The following PHF20L1 variants were observed in gnomAD, a reference collection of about 807,000 sequenced individuals.
The protein encoded by PHF20L1 is PHD finger protein 20 like 1.
Under a neutral mutation model 125.5 loss-of-function variants are expected in PHF20L1, and 44 were observed. The observed-to-expected ratio is 0.35, with a 90% confidence interval of 0.28 to 0.45. The LOEUF (loss-of-function observed/expected upper bound fraction) is 0.45. Ranked by LOEUF, PHF20L1 falls within the 20% of genes least tolerant of loss-of-function variation. PHF20L1 has a pLI of 1.00. For missense variants in PHF20L1, 1,012 were observed against 1,217.2 expected, an observed-to-expected ratio of 0.83 and a Z score of 2.51; for synonymous variants, 380 against 403.1, an observed-to-expected ratio of 0.94 and a Z score of 0.69.
At chr8:132,802,077 CT>C (rs1434917778) in intron 6 of PHF20L1, among the ~76,000 whole-genome samples, 3 of 151,088 alleles carry the variant, frequency 2.0e-5, no homozygotes, top group Admixed American at 6.6e-5. Flanking sequence ...TAACACTTTC[CT>C]TTTGGTTGTC....
intron 8 of PHF20L1, 105 bp downstream of exon 8, chr8:132,804,845 C>A: frequency 1.1e-6 from 1 of 915,800 alleles, no homozygotes; most frequent in Non-Finnish European, 1.7e-6. Context: ...TGTCATGGAC[C>A]TGTTAATAAC....
chr8:132,788,638 A>T (rs1289382412), intron 2 of PHF20L1, among the ~76,000 whole-genome samples: 2 of 151,988 alleles, frequency 1.3e-5, no homozygotes, highest in South Asian at 4.1e-4. Flanking sequence ...ATCTGGGTAT[A>T]TATTTTAAAT....
intron 2 of PHF20L1, among the ~76,000 whole-genome samples, chr8:132,786,858 G>A (rs746899444): frequency 6.6e-6 from 1 of 151,990 alleles, no homozygotes; most frequent in Admixed American, 6.6e-5. Context: ...ATGAACATTC[G>A]TTATTTTAAG....
intron 15 of PHF20L1, among the ~76,000 whole-genome samples, chr8:132,834,827 A>G (rs1332942333): frequency 1.3e-5 from 2 of 151,988 alleles, no homozygotes; most frequent in African/African-American, 4.8e-5. Flanking sequence ...TTGATTTACT[A>G]GCTCCATGAA....
chr8:132,794,691 T>C, intron 3 of PHF20L1, 42 bp from the exon 4 acceptor site: 1 of 1,525,136 alleles, frequency 6.6e-7, no homozygotes, highest in Non-Finnish European at 9.0e-7. Flanking sequence ...GAAATGCTTA[T>C]TTAATATACA....
rs570031202 is a variant in PHF20L1, at chr8:132,813,562, A to G, written c.931-1075A>G. Among the ~76,000 whole-genome samples the G allele has an allele frequency of 2.0e-5, 3 of 152,140 alleles. No homozygotes were observed. In the South Asian group the frequency reaches 6.2e-4, roughly 31 times the overall value. Reference sequence around the variant, plus strand: ...AGCAGACCTGATAGTTATTCTCCACAAGATATGGAAGTAAAAAGATTTCTT... The same window carrying G: ...AGCAGACCTGATAGTTATTCTCCACGAGATATGGAAGTAAAAAGATTTCTT... On this transcript the variant is annotated intron_variant, in intron 9 of 20. Transcript: ENST00000395386.
intron 2 of PHF20L1, among the ~76,000 whole-genome samples, chr8:132,793,760 A>G (rs1832055883): frequency 6.6e-6 from 1 of 152,226 alleles, no homozygotes; most frequent in South Asian, 2.1e-4. Flanking sequence ...ACTGAGCCTT[A>G]CCATCATTGT....
intron 2 of PHF20L1, among the ~76,000 whole-genome samples, chr8:132,787,507 A>G (rs1328260933): frequency 1.3e-5 from 2 of 152,150 alleles, no homozygotes; most frequent in Non-Finnish European, 1.5e-5. Flanking sequence ...CTTAAACTTC[A>G]GTGTTGGAGA....
Position 132,775,391 on chromosome 8 carries a change from GC to G in PHF20L1, c.-291del, listed in dbSNP as rs1829551533. On this transcript the variant is annotated 5_prime_UTR_variant, in exon 1 of 21. Transcript: ENST00000395386. ...CGCCGGGGCCCGGCGTCGCGTCAGG[GC>G]TGGCCGGCGGCGGAGGCGGCGGCGG... 2.6e-6 allele frequency: 1 copy of G among 378,668 alleles called. No homozygotes were observed. Among genetic ancestry groups the G allele is most frequent in the Non-Finnish European group, 4.6e-6 (1 of 215,988 alleles). 23.5% of individuals were successfully genotyped at this position (378,668 alleles called of 1,614,324 possible).
At chr8:132,838,052 A>G in intron 17 of PHF20L1, 1 of 384,108 alleles carries the variant, frequency 2.6e-6, no homozygotes, top group Non-Finnish European at 4.9e-6. Flanking sequence ...GTTTCCAAGA[A>G]CCTATTGATT....
At chr8:132,806,201 C>G (rs1833677552) in intron 8 of PHF20L1, among the ~76,000 whole-genome samples, 1 of 151,804 alleles carries the variant, frequency 6.6e-6, no homozygotes. Context: ...TAGTTTCAAT[C>G]AATATACTCT....
intron 14 of PHF20L1, among the ~76,000 whole-genome samples, chr8:132,829,307 G>A (rs1051228447): frequency 3.3e-5 from 5 of 151,978 alleles, no homozygotes; most frequent in African/African-American, 7.2e-5. Context: ...AATCCTGCCC[G>A]TAACACTTAC....
intron 14 of PHF20L1, among the ~76,000 whole-genome samples, chr8:132,829,795 G>T (rs567182865): frequency 3.3e-5 from 5 of 152,158 alleles, no homozygotes; most frequent in African/African-American, 1.2e-4. Context: ...ATATTCTTGG[G>T]CAATTTGCTT....
Position 132,814,694 on chromosome 8 carries a change from G to T in PHF20L1, c.988G>T (p.Ala330Ser). 1.9e-6 allele frequency: 3 copies of T among 1,611,890 alleles called. No individual in the cohort carries two copies. The highest frequency in any genetic ancestry group is 2.5e-6 in the Non-Finnish European group (3 of 1,178,500). Residue 330 changes from alanine to serine, a missense_variant, in exon 10 of 21, where the codon GCC (alanine) becomes TCC (serine). Physicochemically the swap from Ala to Ser is moderately conservative, Grantham distance 99. Coordinates refer to ENST00000395386, the MANE Select transcript of PHF20L1 (RefSeq NM_016018.5). ...AAATGAAGCTGACATTAGCAGTTCT[G>T]CCAACACTCAGAAACCTGCACTGTT... is the stretch of plus-strand genomic sequence containing the variant. ...KKNEADISSS[A>S]NTQKPALLSS... is the part of the protein sequence containing the mutation.
At position 132,804,507 on chromosome 8, in the gene PHF20L1, T is replaced by C. The variant is rs1169287391; in HGVS notation, c.722-108T>C. The C allele has an allele frequency of 3.8e-5, 29 of 764,494 alleles. No individual in the cohort carries two copies. In the East Asian group the frequency reaches 7.7e-4, roughly 20 times the overall value. 47.4% of individuals were successfully genotyped at this position (764,494 alleles called of 1,614,324 possible). On this transcript the variant is annotated intron_variant, in intron 7 of 20. Coordinates refer to ENST00000395386, the MANE Select transcript of PHF20L1 (RefSeq NM_016018.5). The stretch of plus-strand genomic sequence containing the variant: ...TCAAAGGTCTGTATCAAGTAGTAGA[T>C]TAAAAAAACTAATGTGCAAAGCATT...
At chr8:132,798,936 G>A in intron 5 of PHF20L1, 76 bp downstream of exon 5, 1 of 1,103,640 alleles carries the variant, frequency 9.1e-7, no homozygotes, top group Non-Finnish European at 1.3e-6. Flanking sequence ...ATATTTATAT[G>A]TATATTTTTT....
chr8:132,777,337 T>G (rs945310081), intron 1 of PHF20L1, among the ~76,000 whole-genome samples: 1 of 152,164 alleles, frequency 6.6e-6, no homozygotes, highest in Admixed American at 6.5e-5. Context: ...TTTTGTATTA[T>G]GAGGCACTCA....
intron 13 of PHF20L1, 46 bp from the exon 14 acceptor site, chr8:132,825,218 C>G (rs749008290): frequency 4.4e-6 from 7 of 1,588,962 alleles, no homozygotes; most frequent in Non-Finnish European, 6.0e-6. Flanking sequence ...AAAGGAACAA[C>G]TCAGGATCAG....
chr8:132,843,545 TTTTG>T (rs1838145220), intron 19 of PHF20L1: 1 of 985,192 alleles, frequency 1.0e-6, no homozygotes, highest in Non-Finnish European at 1.2e-6. Flanking sequence ...TGGTAAGTTA[TTTTG>T]TTTAATTAAT....
Sources: allele counts gnomAD v4.1 joint callset (sites outside exome capture counted in the v4.1 genomes callset), GRCh38; gene constraint gnomAD v4.1.1; transcripts MANE v1.5; gene names NCBI Gene and HGNC (gene_info 2026-07-23, HGNC 2026-07-21).